The following ACBD5 variants were observed in gnomAD, a reference collection of about 807,000 sequenced individuals.
ACBD5 encodes the protein acyl-CoA binding domain containing 5, also known as acyl-CoA-binding domain-containing protein 5.
In ACBD5, 40 loss-of-function variants were observed where a neutral mutation model predicts 71.8. The observed-to-expected ratio is 0.56, with a 90% CI of 0.43 to 0.72. ACBD5 has a LOEUF of 0.72. Ranked by LOEUF, ACBD5 falls within the 30% of genes least tolerant of loss-of-function variation. The pLI, the probability that ACBD5 is intolerant of heterozygous loss-of-function variation, is 0.00. For synonymous variants in ACBD5, 229 were observed against 218.6 expected (o/e 1.05, Z -0.42); for missense variants, 559 against 644.5 (o/e 0.87, Z 1.44).
In ACBD5 at chr10:27,208,504, GT is replaced by G. The variant is rs1480772827; in HGVS notation, c.1205-60del. On this transcript the variant is annotated intron_variant, in intron 9 of 12. Coordinates refer to ENST00000396271, the MANE Select transcript of ACBD5 (RefSeq NM_145698.5). ...ATAATTCTTATACAAGTAAAACTGT[GT>G]TTTATTCATTTTCCTCTGTTATTTC... is the stretch of plus-strand genomic sequence containing the variant. 4 of 1,572,432 alleles carry G rather than the reference GT, an allele frequency of 2.5e-6. No individual in the cohort carries two copies. The African/African-American group carries it at 4.1e-5, about 16-fold the overall frequency.
intron 7 of ACBD5, among the ~76,000 whole-genome samples, chr10:27,216,161 G>A (rs530974491): frequency 6.8e-6 from 1 of 146,494 alleles, no homozygotes; most frequent in African/African-American, 2.5e-5. Context: ...TGGTTTTTGA[G>A]ATGGAGTCTC....
At chr10:27,192,884 G>T (rs147348722), downstream of ACBD5, among the ~76,000 whole-genome samples, 1 of 151,444 alleles carries the variant, frequency 6.6e-6, no homozygotes. Context: ...GCAGAGAATT[G>T]CTTGAACCCA....
intron 4 of ACBD5, among the ~76,000 whole-genome samples, chr10:27,223,964 T>C (rs188598072): frequency 2.0e-4 from 30 of 152,162 alleles, no homozygotes; most frequent in Non-Finnish European, 3.1e-4. Context: ...TATACACTCC[T>C]AGAAAAGCTT....
Position 27,210,948 on chromosome 10 carries a change from A to G in ACBD5, c.1070T>C (p.Met357Thr), listed in dbSNP as rs2061012926. ...VPPGNGNIGN[M>T]QVVAVEGKGE... ...TTTTCCTTCAACTGCAACCACCTGC[A>G]TATTCCCAATGTTGCCATTTCCAGG... The change falls in exon 9 of 13, where the codon ATG becomes ACG. Residue 357 changes from methionine to threonine, a missense_variant. Coordinates refer to ENST00000396271, the MANE Select transcript of ACBD5 (RefSeq NM_145698.5). The G allele has an allele frequency of 6.2e-7, 1 of 1,614,196 alleles. No individual in the cohort carries two copies. Among genetic ancestry groups the G allele is most frequent in the Non-Finnish European group, 8.5e-7 (1 of 1,180,048 alleles).
Position 27,205,274 on chromosome 10 carries a change from A to G in ACBD5, c.1405-26T>C, listed in dbSNP as rs1444392773. Reference sequence around the variant, plus strand: ...CTGTAAATGCAAATGAAGGTGACTTAGCCTTGAAAAAATGAAAAACACAGT... The same window carrying G: ...CTGTAAATGCAAATGAAGGTGACTTGGCCTTGAAAAAATGAAAAACACAGT... On this transcript the variant is annotated intron_variant, in intron 10 of 12. Coordinates refer to ENST00000396271, the MANE Select transcript of ACBD5 (RefSeq NM_145698.5). 1.9e-6 allele frequency: 3 copies of G among 1,608,484 alleles called. No homozygotes were observed. In the South Asian group the frequency reaches 3.3e-5, roughly 18 times the overall value.
chr10:27,222,077 G>A (rs927109396), intron 5 of ACBD5, among the ~76,000 whole-genome samples: 2 of 152,074 alleles, frequency 1.3e-5, no homozygotes, highest in Admixed American at 1.3e-4. Context: ...TAAGCAGTCA[G>A]TACTACTTGC....
chr10:27,216,462 G>A (rs947538943), intron 7 of ACBD5, among the ~76,000 whole-genome samples: 3 of 151,978 alleles, frequency 2.0e-5, no homozygotes, highest in Non-Finnish European at 4.4e-5. Context: ...TTTTAGTAGA[G>A]ACGGAGTTTC....
intron 4 of ACBD5, among the ~76,000 whole-genome samples, chr10:27,231,244 C>T (rs888381415): frequency 2.0e-5 from 3 of 152,030 alleles, no homozygotes; most frequent in Admixed American, 1.3e-4. Context: ...AGGCTAGGCG[C>T]AGTGGCTCAT....
At chr10:27,215,961 G>A (rs1345250969) in intron 7 of ACBD5, among the ~76,000 whole-genome samples, 2 of 151,604 alleles carry the variant, frequency 1.3e-5, no homozygotes, top group South Asian at 2.1e-4. Context: ...AGCAACCTCC[G>A]CCTCCCGGAT....
At position 27,223,371 on chromosome 10, in the gene ACBD5, T is replaced by C. The variant is rs374261586; in HGVS notation, c.457A>G (p.Lys153Glu). 6.3e-5 allele frequency: 102 copies of C among 1,613,834 alleles called. No homozygotes were observed. The highest frequency in any genetic ancestry group is 8.5e-5 in the Non-Finnish European group (100 of 1,179,986). The change falls in exon 5 of 13, where the codon AAA (lysine) becomes GAA (glutamate). Residue 153 changes from lysine (K) to glutamate (E), a missense_variant. Lys to Glu is a moderately conservative substitution (Grantham distance 56, BLOSUM62 1). Transcript: ENST00000396271. The part of the protein sequence containing the change: ...IGPFYEIVED[K>E]KSGRSSDITS... ...ATATCAGAACTCCTGCCACTCTTTT[T>C]GTCCTCGACAATTTCATAAAATGGA... is the stretch of plus-strand genomic sequence containing the variant.
Position 27,196,100 on chromosome 10 carries a change from T to C in ACBD5, c.*1330A>G, listed in dbSNP as rs778953183. 1 of 443,428 alleles carries C rather than the reference T, an allele frequency of 2.3e-6. No individual in the cohort carries two copies. The highest frequency in any genetic ancestry group is 1.6e-5 in the South Asian group (1 of 63,000). 27.5% of individuals were successfully genotyped at this position (443,428 alleles called of 1,614,324 possible). A position where few individuals can be genotyped will look rare whatever the true frequency, so the allele number is the denominator to read the frequency against. ...GCCTGTAATCCCAGCTACTTGGGAGTGAGGCAGGAGAATCACTTGAACCCA... is the reference window on the plus strand; with the variant it reads ...GCCTGTAATCCCAGCTACTTGGGAGCGAGGCAGGAGAATCACTTGAACCCA... On this transcript the variant is annotated 3_prime_UTR_variant, in exon 13 of 13. Transcript: ENST00000396271.
chr10:27,221,934 A>G (rs1296682448), intron 5 of ACBD5, among the ~76,000 whole-genome samples: 1 of 150,292 alleles, frequency 6.7e-6, no homozygotes, highest in Non-Finnish European at 1.5e-5. Flanking sequence ...AAAAAAAAAA[A>G]AAAAAGAAAA....
Position 27,197,434 on chromosome 10 carries a change from T to C in ACBD5, c.1574A>G (p.Asn525Ser), listed in dbSNP as rs779232071. 1 of 1,608,562 alleles carries C rather than the reference T, an allele frequency of 6.2e-7. No homozygotes were observed. The highest frequency in any genetic ancestry group is 2.2e-5 in the East Asian group (1 of 44,750). Residue 525 changes from asparagine to serine, a missense_variant, in exon 13 of 13, where the codon AAC (asparagine) becomes AGC (serine). By Grantham distance (46) the Asn-to-Ser change is conservative. Transcript: ENST00000396271. ...LYYQRRRRKL[N>S] is the part of the protein sequence containing the mutation. ...TTGAGGAAAACACCATTTTCCTCAGTTCAGTTTTCTTTAAAAAGAAAATAA... is the reference window on the plus strand; with the variant it reads ...TTGAGGAAAACACCATTTTCCTCAGCTCAGTTTTCTTTAAAAAGAAAATAA...
chr10:27,191,925 T>G (rs1258712593), downstream of ACBD5, among the ~76,000 whole-genome samples: 1 of 151,918 alleles, frequency 6.6e-6, no homozygotes, highest in African/African-American at 2.4e-5. Context: ...ATAAATAACC[T>G]AACAACGCAT....
intron 5 of ACBD5, among the ~76,000 whole-genome samples, chr10:27,220,682 T>C (rs2062222940): frequency 6.6e-6 from 1 of 152,148 alleles, no homozygotes; most frequent in Non-Finnish European, 1.5e-5. Context: ...TCTGCAAAAA[T>C]TGACATGCAG....
rs2138319068 is a variant in ACBD5 at position 27,234,783 on chromosome 10, T to C, written c.302+309A>G. On this transcript the variant is annotated intron_variant, in intron 3 of 12. Coordinates refer to ENST00000396271, the MANE Select transcript of ACBD5 (RefSeq NM_145698.5). ...CCTGTCTCTACTAAAAATACAAAAA[T>C]TAGCTGGGTGTGGTGGCGCGCACCT... Among the ~76,000 whole-genome samples the C allele has an allele frequency of 1.3e-5, 2 of 152,110 alleles. 1 individual carries two copies. Among genetic ancestry groups the C allele is most frequent in the East Asian group, 3.9e-4 (2 of 5,166 alleles).
At chr10:27,195,118 T>C, downstream of ACBD5, 2 of 282,918 alleles carry the variant, frequency 7.1e-6, no homozygotes, top group East Asian at 1.9e-4. Flanking sequence ...TGGCTTTATT[T>C]TGAGAGTCAT....
intron 8 of ACBD5, among the ~76,000 whole-genome samples, chr10:27,214,422 C>T (rs2061419930): frequency 6.6e-6 from 1 of 151,780 alleles, no homozygotes; most frequent in African/African-American, 2.4e-5. Context: ...GCCTTCTTGC[C>T]CAGGCTGGTC....
At chr10:27,191,354 C>A (rs747397894), downstream of ACBD5, among the ~76,000 whole-genome samples, 20 of 152,168 alleles carry the variant, frequency 1.3e-4, no homozygotes, top group Non-Finnish European at 2.1e-4. Context: ...TGAAACTACT[C>A]TGTATGATAT....
Sources: allele counts gnomAD v4.1 joint callset (sites outside exome capture counted in the v4.1 genomes callset), GRCh38; gene constraint gnomAD v4.1.1; transcripts MANE v1.5; gene names NCBI Gene and HGNC (gene_info 2026-07-23, HGNC 2026-07-21).